The following ARID1A variants were observed in gnomAD, a reference collection of about 807,000 sequenced individuals.
ARID1A encodes AT-rich interaction domain 1A.
Under a neutral mutation model 212.6 loss-of-function variants are expected in ARID1A, and 20 were observed. That is an observed-to-expected ratio of 0.09 (90% CI 0.07 to 0.14). The LOEUF (loss-of-function observed/expected upper bound fraction) is 0.14, where lower values mean the gene tolerates loss of function less well. Among genes scored for constraint, ARID1A ranks in the 10% least tolerant of loss-of-function variants. ARID1A has a pLI of 1.00. For synonymous variants in ARID1A, 1,376 were observed against 1,222.1 expected (o/e 1.13, Z -2.63); for missense variants, 2,587 against 3,059.0 (o/e 0.85, Z 3.64).
In ARID1A at chr1:26,779,006, GTTCT is replaced by G. The variant is rs2081163830; in HGVS notation, c.5125-12_5125-9del. Reference sequence around the variant, plus strand: ...ACTTTTCTCCCTTAATTTATTTCCTGTTCTTTCTCTTTTTAGCTCCCAGGGTTGC... The same window carrying G: ...ACTTTTCTCCCTTAATTTATTTCCTGTTCTCTTTTTAGCTCCCAGGGTTGC... On this transcript the variant is annotated splice_polypyrimidine_tract_variant and intron_variant, in intron 19 of 19. Transcript: ENST00000324856. 6.7e-7 allele frequency: 1 copy of G among 1,499,432 alleles called. No homozygotes were observed. Among genetic ancestry groups the G allele is most frequent in the Non-Finnish European group, 8.9e-7 (1 of 1,124,154 alleles). 92.9% of individuals were successfully genotyped at this position (1,499,432 alleles called of 1,614,324 possible). A position where few individuals can be genotyped will look rare whatever the true frequency, so the allele number is the denominator to read the frequency against.
chr1:26,775,466 C>G lies in ARID1A; in HGVS notation c.4994-111C>G, dbSNP rs1297607315. 5.4e-6 allele frequency: 8 copies of G among 1,484,632 alleles called. No homozygotes were observed. In the African/African-American group the frequency reaches 9.8e-5, roughly 18 times the overall value. 92.0% of individuals were successfully genotyped at this position (1,484,632 alleles called of 1,614,324 possible). A position where few individuals can be genotyped will look rare whatever the true frequency, so the allele number is the denominator to read the frequency against. On this transcript the variant is annotated intron_variant, in intron 18 of 19. Coordinates refer to ENST00000324856, the MANE Select transcript of ARID1A (RefSeq NM_006015.6). ...GTGTGTTTCATCTCCCAGACAGAAA[C>G]TGCCTTCCACCTTGTGTTATCTTCA...
intron 4 of ARID1A, among the ~76,000 whole-genome samples, chr1:26,747,035 C>G (rs550209498): frequency 6.6e-6 from 1 of 151,966 alleles, no homozygotes; most frequent in African/African-American, 2.4e-5. Flanking sequence ...AGTAAGACTC[C>G]GTGTCAAAAA....
At chr1:26,738,242 T>C (rs940440461) in intron 4 of ARID1A, among the ~76,000 whole-genome samples, 8 of 152,266 alleles carry the variant, frequency 5.3e-5, no homozygotes, top group Admixed American at 2.0e-4. Flanking sequence ...CAGACTGGTC[T>C]CGAACTCCTG....
chr1:26,734,063 G>A (rs1477909263), intron 4 of ARID1A, among the ~76,000 whole-genome samples: 1 of 152,204 alleles, frequency 6.6e-6, no homozygotes, highest in African/African-American at 2.4e-5. Context: ...TTGGGGGAAG[G>A]AAGTGCCTTA....
At chr1:26,776,045 T>A in intron 19 of ARID1A, 1 of 387,948 alleles carries the variant, frequency 2.6e-6, no homozygotes, top group Non-Finnish European at 5.0e-6. Flanking sequence ...AGAGACGAGG[T>A]CTCACTATGT....
At position 26,697,480 on chromosome 1, in the gene ARID1A, C is replaced by G. The variant is rs1557571512; in HGVS notation, c.1077C>G (p.His359Gln). 2.1e-6 allele frequency: 3 copies of G among 1,401,862 alleles called. No homozygotes were observed. Among genetic ancestry groups the G allele is most frequent in the Non-Finnish European group, 1.8e-6 (2 of 1,085,890 alleles). 86.8% of individuals were successfully genotyped at this position (1,401,862 alleles called of 1,614,324 possible). A position where few individuals can be genotyped will look rare whatever the true frequency, so the allele number is the denominator to read the frequency against. ...ASGGAQQRSH[H>Q]APMSPGSSGG... ...GAGGGGCCCAACAAAGGAGCCACCA[C>G]GCGCCCATGAGCCCCGGGAGCAGCG... Residue 359 changes from histidine (H) to glutamine (Q), a missense_variant, in exon 1 of 20, where the codon CAC (histidine) becomes CAG (glutamine). Coordinates refer to ENST00000324856, the MANE Select transcript of ARID1A (RefSeq NM_006015.6).
chr1:26,731,613 T>C lies in ARID1A; in HGVS notation c.1803+9T>C, dbSNP rs371726505. ...GCTTCCCTCCACCGCAGGTAAGATATCCCTGCCTCCTGCCCTTCCCTGTGT... is the reference window on the plus strand; with the variant it reads ...GCTTCCCTCCACCGCAGGTAAGATACCCCTGCCTCCTGCCCTTCCCTGTGT... On this transcript the variant is annotated intron_variant, in intron 3 of 19. Coordinates refer to ENST00000324856, the MANE Select transcript of ARID1A (RefSeq NM_006015.6). 5.9e-5 allele frequency: 95 copies of C among 1,611,758 alleles called. No homozygotes were observed. The African/African-American group carries it at 6.8e-4, about 12-fold the overall frequency.
chr1:26,754,108 G>C (rs894771884), intron 4 of ARID1A, among the ~76,000 whole-genome samples: 1 of 152,092 alleles, frequency 6.6e-6, no homozygotes, highest in East Asian at 1.9e-4. Context: ...CACCTGGCCC[G>C]ACTGAACTTT....
In ARID1A at chr1:26,779,591, C is replaced by T. The variant is rs2124141858; in HGVS notation, c.5693C>T (p.Pro1898Leu). 6.2e-7 allele frequency: 1 copy of T among 1,614,132 alleles called. No individual in the cohort carries two copies. The highest frequency in any genetic ancestry group is 1.1e-5 in the South Asian group (1 of 91,080). The change falls in exon 20 of 20, where the codon CCA becomes CTA. Residue 1898 changes from proline (P) to leucine (L), a missense_variant. Physicochemically the swap from Pro to Leu is moderately conservative, Grantham distance 98. Coordinates refer to ENST00000324856, the MANE Select transcript of ARID1A (RefSeq NM_006015.6). ...GGGACAACAGACCAGGAGGGGCCCC[C>T]ACCTGATGGACCTCCAGAAAAACGG... Reference protein sequence around the residue: ...TPGTTDQEGPPPDGPPEKRIT... With the variant: ...TPGTTDQEGPLPDGPPEKRIT...
Position 26,697,471 on chromosome 1 carries a change from G to A in ARID1A, c.1068G>A (p.Arg356=), listed in dbSNP as rs1557571502. ...CCGCCTCGGGAGGGGCCCAACAAAG[G>A]AGCCACCACGCGCCCATGAGCCCCG... ...AAAASGGAQQ[R]SHHAPMSPGS... Residue 356 remains arginine, a synonymous_variant, in exon 1 of 20, where the codon AGG becomes AGA. Coordinates refer to ENST00000324856, the MANE Select transcript of ARID1A (RefSeq NM_006015.6). 4.3e-6 allele frequency: 6 copies of A among 1,395,820 alleles called. No homozygotes were observed. Among genetic ancestry groups the A allele is most frequent in the South Asian group, 1.6e-5 (1 of 63,454 alleles). The allele number at this position is 1,395,820 out of a possible 1,614,324, so 86.5% of individuals were successfully genotyped here. A position where few individuals can be genotyped will look rare whatever the true frequency, so the allele number is the denominator to read the frequency against.
chr1:26,699,015 A>G (rs1488929910), intron 1 of ARID1A, among the ~76,000 whole-genome samples: 1 of 152,154 alleles, frequency 6.6e-6, no homozygotes, highest in African/African-American at 2.4e-5. Flanking sequence ...GGTGTCTTTC[A>G]TGATCTTGAG....
chr1:26,757,744 T>G (rs1368267464), intron 4 of ARID1A, among the ~76,000 whole-genome samples: 1 of 152,038 alleles, frequency 6.6e-6, no homozygotes, highest in Non-Finnish European at 1.5e-5. Flanking sequence ...CTTGGCACAC[T>G]GTAACCTCCA....
At chr1:26,734,481 A>G (rs978570774) in intron 4 of ARID1A, among the ~76,000 whole-genome samples, 2 of 151,950 alleles carry the variant, frequency 1.3e-5, no homozygotes, top group African/African-American at 4.8e-5. Flanking sequence ...TTTTAGGCCC[A>G]GGGGATGGTT....
chr1:26,752,942 AACTCC>A (rs2080897628), intron 4 of ARID1A: 1 of 152,242 alleles, frequency 6.6e-6, no homozygotes, highest in Non-Finnish European at 1.5e-5. Context: ...TGGGTACAAG[AACTCC>A]ATCTGGGATT....
At chr1:26,752,161 C>T (rs1007635629) in intron 4 of ARID1A, among the ~76,000 whole-genome samples, 21 of 152,190 alleles carry the variant, frequency 1.4e-4, no homozygotes, top group Admixed American at 1.2e-3. Context: ...CTTTTCTTCC[C>T]GTTCCTTAGT....
intron 4 of ARID1A, among the ~76,000 whole-genome samples, chr1:26,734,179 G>A (rs1169245537): frequency 6.6e-6 from 1 of 151,388 alleles, no homozygotes; most frequent in Non-Finnish European, 1.5e-5. Flanking sequence ...CAGTCAGAAT[G>A]TGTAACCACT....
chr1:26,723,853 G>C (rs569577983), intron 1 of ARID1A, among the ~76,000 whole-genome samples: 1 of 152,118 alleles, frequency 6.6e-6, no homozygotes, highest in South Asian at 2.1e-4. Context: ...CATACTGTTG[G>C]TGTCATTCAT....
At chr1:26,725,658 GTC>G (rs886456277) in intron 1 of ARID1A, among the ~76,000 whole-genome samples, 1 of 151,802 alleles carries the variant, frequency 6.6e-6, no homozygotes, top group African/African-American at 2.4e-5. Flanking sequence ...TTTATTTTTG[GTC>G]TACAAAGATT....
At chr1:26,750,776 A>T (rs779303352) in intron 4 of ARID1A, among the ~76,000 whole-genome samples, 21 of 151,810 alleles carry the variant, frequency 1.4e-4, no homozygotes, top group Non-Finnish European at 4.4e-5. Context: ...TTGTTTCCCT[A>T]CATTCAAAGT....
Sources: gnomAD v4.1 joint callset for allele counts (sites outside exome capture counted in the v4.1 genomes callset) on GRCh38, gnomAD v4.1.1 for gene constraint, MANE v1.5 for transcripts, NCBI Gene and HGNC (gene_info 2026-07-23, HGNC 2026-07-21) for gene names.